Variants in CLCA1 observed in about 807,000 individuals in gnomAD.
The protein encoded by CLCA1 is calcium-activated chloride channel regulator 1.
Under a neutral mutation model 85.6 loss-of-function variants are expected in CLCA1, and 59 were observed. That is an observed-to-expected ratio of 0.69 (90% CI 0.56 to 0.86). The LOEUF (loss-of-function observed/expected upper bound fraction) is 0.86, where lower values mean the gene tolerates loss of function less well. Among genes scored for constraint, CLCA1 ranks in the 40% least tolerant of loss-of-function variants. The probability of loss-of-function intolerance (pLI) is 0.00; values close to 1 mark genes in which losing one functional copy is unlikely to be tolerated. For missense variants in CLCA1, 1,022 were observed against 1,101.4 expected (o/e 0.93, Z 1.02); for synonymous variants, 396 against 398.3 (o/e 0.99, Z 0.07).
At chr1:86,477,043 G>C (rs553601876) in intron 4 of CLCA1, among the ~76,000 whole-genome samples, 14 of 152,134 alleles carry the variant, frequency 9.2e-5, no homozygotes, top group Non-Finnish European at 2.1e-4. Flanking sequence ...CTGAGTAGCC[G>C]GGACTACAGG....
chr1:86,475,761 A>G (rs1373487042), intron 3 of CLCA1, among the ~76,000 whole-genome samples: 7 of 152,340 alleles, frequency 4.6e-5, no homozygotes, highest in South Asian at 2.1e-4. Context: ...GACCTAGGAA[A>G]AAAAGGAGTT....
Position 86,485,513 on chromosome 1 carries a change from T to C in CLCA1, c.906T>C (p.Ile302=). The C allele has an allele frequency of 6.2e-7, 1 of 1,614,180 alleles. No homozygotes were observed. The highest frequency in any genetic ancestry group is 8.5e-7 in the Non-Finnish European group (1 of 1,180,018). Residue 302 remains isoleucine, a synonymous_variant, in exon 6 of 14, where the codon ATT becomes ATC. Transcript: ENST00000394711. ...PPNPTFSLLQ[I]GQRIVCLVLD... is the part of the protein sequence containing the mutation. ...ATCCCACCTTCTCATTGCTGCAGAT[T>C]GGACAAAGAATTGTGTGTTTAGTCC...
Position 86,486,628 on chromosome 1 carries a change from G to T in CLCA1, c.1057G>T (p.Ala353Ser). Reference sequence around the variant, plus strand: ...TGGGATGGTGACATTTGACAGTGCTGCCCATGTACAAAATGAACTCATACA... The same window carrying T: ...TGGGATGGTGACATTTGACAGTGCTTCCCATGTACAAAATGAACTCATACA... The part of the protein sequence containing the change: ...WVGMVTFDSA[A>S]HVQNELIQIN... Residue 353 changes from alanine to serine, a missense_variant, in exon 7 of 14, where the codon GCC becomes TCC. Coordinates refer to ENST00000394711, the MANE Select transcript of CLCA1 (RefSeq NM_001285.4). The T allele has an allele frequency of 6.2e-7, 1 of 1,614,142 alleles. No individual in the cohort carries two copies. Among genetic ancestry groups the T allele is most frequent in the Non-Finnish European group, 8.5e-7 (1 of 1,180,016 alleles).
chr1:86,472,341 T>C (rs1295791394), intron 1 of CLCA1, among the ~76,000 whole-genome samples: 1 of 152,114 alleles, frequency 6.6e-6, no homozygotes. Context: ...GATCACGCCC[T>C]CCTCCCTATA....
Position 86,485,558 on chromosome 1 carries a change from G to A in CLCA1, c.951G>A (p.Met317Ile), listed in dbSNP as rs375816012. 17 of 1,613,778 alleles carry A rather than the reference G, an allele frequency of 1.1e-5. No homozygotes were observed. The highest frequency in any genetic ancestry group is 1.3e-5 in the African/African-American group (1 of 74,906). ...TAGTCCTTGACAAATCTGGAAGCATGGCGGTATGTTCAATGAGTCTTGGTC... is the reference window on the plus strand; with the variant it reads ...TAGTCCTTGACAAATCTGGAAGCATAGCGGTATGTTCAATGAGTCTTGGTC... ...VCLVLDKSGSMATGNRLNRLN... is the reference protein window; with the variant it reads ...VCLVLDKSGSIATGNRLNRLN... The change falls in exon 6 of 14, where the codon ATG becomes ATA. Residue 317 changes from methionine to isoleucine, a missense_variant. Coordinates refer to ENST00000394711, the MANE Select transcript of CLCA1 (RefSeq NM_001285.4).
rs747708385 is a variant in CLCA1, at chr1:86,498,681, T to C, written c.2223T>C (p.Asp741=). 5.6e-6 allele frequency: 9 copies of C among 1,614,114 alleles called. No homozygotes were observed. In the South Asian group the frequency reaches 9.9e-5, roughly 18 times the overall value. Residue 741 remains aspartate, a synonymous_variant, in exon 13 of 14, where the codon GAT becomes GAC. Transcript: ENST00000394711. The part of the protein sequence containing the change: ...TSSGGSFVAS[D]VPNAPIPDLF... ...CGGGAGGCTCATTTGTGGCTTCTGA[T>C]GTCCCAAATGCTCCCATACCTGATC...
At chr1:86,490,075 G>A (rs908703140) in intron 8 of CLCA1, among the ~76,000 whole-genome samples, 1 of 152,240 alleles carries the variant, frequency 6.6e-6, no homozygotes, top group African/African-American at 2.4e-5. Flanking sequence ...GGAATGGAAA[G>A]TACATCACAG....
In CLCA1 at chr1:86,485,450, C is replaced by T; in HGVS notation, c.843C>T (p.Asp281=). 6.2e-7 allele frequency: 1 copy of T among 1,614,144 alleles called. No homozygotes were observed. Among genetic ancestry groups the T allele is most frequent in the Non-Finnish European group, 8.5e-7 (1 of 1,179,990 alleles). The change falls in exon 6 of 14, where the codon GAC becomes GAT. Residue 281 remains aspartate (D), a synonymous_variant. Coordinates refer to ENST00000394711, the MANE Select transcript of CLCA1 (RefSeq NM_001285.4). ...GGGAAGTGATCCGTGATTCTGAGGACTTTAAGAAAACCACTCCTATGACAA... is the reference window on the plus strand; with the variant it reads ...GGGAAGTGATCCGTGATTCTGAGGATTTTAAGAAAACCACTCCTATGACAA... ...STWEVIRDSE[D]FKKTTPMTTQ...
At chr1:86,470,213 T>C (rs1228175610) in intron 1 of CLCA1, among the ~76,000 whole-genome samples, 2 of 151,906 alleles carry the variant, frequency 1.3e-5, no homozygotes, top group Non-Finnish European at 1.5e-5. Flanking sequence ...ATCTCTACAG[T>C]GTGTGGTTAG....
rs137892655 is a variant in CLCA1 at position 86,473,434 on chromosome 1, A to T, written c.180A>T (p.Ala60=). The T allele has an allele frequency of 2.7e-5, 43 of 1,587,778 alleles. 1 individual carries two copies. Among genetic ancestry groups the T allele is most frequent in the Non-Finnish European group, 3.6e-5 (42 of 1,162,594 alleles). ...CTTCCCAGGACATGGTGACCCAGGCATCTCTGTATCTGCTTGAAGCTACAG... is the reference window on the plus strand; with the variant it reads ...CTTCCCAGGACATGGTGACCCAGGCTTCTCTGTATCTGCTTGAAGCTACAG... ...IQQIKDMVTQ[A]SLYLLEATGK... Residue 60 remains alanine (A), a synonymous_variant, in exon 2 of 14, where the codon GCA becomes GCT. Transcript: ENST00000394711.
Position 86,473,460 on chromosome 1 carries a change from G to A in CLCA1, c.206G>A (p.Gly69Glu), listed in dbSNP as rs1647556014. ...TCTCTGTATCTGCTTGAAGCTACAG[G>A]AAAGCGATTTTATTTCAAAAATGTT... The part of the protein sequence containing the change: ...QASLYLLEAT[G>E]KRFYFKNVAI... Residue 69 changes from glycine to glutamate, a missense_variant, in exon 2 of 14, where the codon GGA becomes GAA. Physicochemically the swap from Gly to Glu is moderately conservative, Grantham distance 98 (BLOSUM62 -2). Transcript: ENST00000394711. The A allele has an allele frequency of 3.7e-6, 6 of 1,609,156 alleles. No individual in the cohort carries two copies. The highest frequency in any genetic ancestry group is 5.1e-6 in the Non-Finnish European group (6 of 1,175,868).
At chr1:86,492,449 A>G (rs1436631179) in intron 9 of CLCA1, among the ~76,000 whole-genome samples, 1 of 148,296 alleles carries the variant, frequency 6.7e-6, no homozygotes, top group South Asian at 2.1e-4. Flanking sequence ...AGAGAGAGAG[A>G]TGGAGAAATG....
intron 13 of CLCA1, 43 bp downstream of exon 13, chr1:86,498,854 C>A (rs779925932): frequency 6.3e-6 from 10 of 1,577,778 alleles, no homozygotes; most frequent in Middle Eastern, 1.7e-4. Flanking sequence ...AGTTTACCAG[C>A]CAAGTAGAAG....
In CLCA1 at chr1:86,482,318, A is replaced by T; in HGVS notation, c.671A>T (p.Glu224Val). 2 of 1,614,138 alleles carry T rather than the reference A, an allele frequency of 1.2e-6. No homozygotes were observed. Among genetic ancestry groups the T allele is most frequent in the African/African-American group, 1.3e-5 (1 of 75,044 alleles). ...ACAGGACTCTATGAAAAAGGATGTG[A>T]GTTTGTTCTCCAATCCCGCCAGACG... is the stretch of plus-strand genomic sequence containing the variant. ...KVTGLYEKGC[E>V]FVLQSRQTEK... Residue 224 changes from glutamate (E) to valine (V), a missense_variant, in exon 5 of 14, where the codon GAG (glutamate) becomes GTG (valine). Coordinates refer to ENST00000394711, the MANE Select transcript of CLCA1 (RefSeq NM_001285.4).
intron 4 of CLCA1, among the ~76,000 whole-genome samples, chr1:86,479,059 G>T (rs1040714698): frequency 8.5e-5 from 13 of 152,112 alleles, no homozygotes; most frequent in African/African-American, 3.1e-4. Context: ...TAATAAAACT[G>T]GGGATGTAAA....
chr1:86,493,667 G>A, intron 10 of CLCA1, 68 bp downstream of exon 10: 2 of 1,247,288 alleles, frequency 1.6e-6, no homozygotes, highest in Non-Finnish European at 2.3e-6. Flanking sequence ...CAGAATAATT[G>A]TAGCATTTTA....
intron 7 of CLCA1, among the ~76,000 whole-genome samples, chr1:86,488,777 T>C (rs1230449597): frequency 6.6e-6 from 1 of 152,156 alleles, no homozygotes; most frequent in Non-Finnish European, 1.5e-5. Flanking sequence ...ACCGTCCCTC[T>C]CTGCAGCAGA....
intron 4 of CLCA1, 87 bp from the exon 5 acceptor site, chr1:86,482,118 A>G (rs1647837327): frequency 1.0e-6 from 1 of 964,164 alleles, no homozygotes; most frequent in African/African-American, 1.6e-5. Flanking sequence ...AAAATCACAG[A>G]AAGGCAATCT....
chr1:86,485,627 C>T (rs913865278), intron 6 of CLCA1, 66 bp downstream of exon 6: 12 of 1,431,244 alleles, frequency 8.4e-6, no homozygotes, highest in African/African-American at 2.8e-5. Flanking sequence ...GACCCTGACT[C>T]GGAACTAGTT....
Sources: gnomAD v4.1 joint callset for allele counts (sites outside exome capture counted in the v4.1 genomes callset) on GRCh38, gnomAD v4.1.1 for gene constraint, MANE v1.5 for transcripts, NCBI Gene and HGNC (gene_info 2026-07-23, HGNC 2026-07-21) for gene names.